POLD1: variants seen among roughly 807,000 people sequenced by gnomAD.
POLD1 encodes DNA polymerase delta catalytic subunit.
POLD1 carries 79 observed loss-of-function variants against 129.7 expected under a neutral mutation model. The ratio of observed to expected loss-of-function variants is 0.61; its 90% CI spans 0.51 to 0.73. The LOEUF is 0.73. Among genes scored for constraint, POLD1 ranks in the 30% least tolerant of loss-of-function variants. The pLI is 0.00. For missense variants in POLD1, 1,338 were observed against 1,595.8 expected (o/e 0.84, Z 2.75); for synonymous variants, 714 against 683.3 (o/e 1.04, Z -0.70).
At chr19:50,388,779 TGTG>T in intron 1 of POLD1, among the ~76,000 whole-genome samples, 1 of 151,336 alleles carries the variant, frequency 6.6e-6, no homozygotes, top group Admixed American at 6.6e-5. Flanking sequence ...ATTTGAAAGT[TGTG>T]GTCATCATGA....
At chr19:50,401,220 T>C (rs2122221162) in intron 3 of POLD1, among the ~76,000 whole-genome samples, 1 of 148,386 alleles carries the variant, frequency 6.7e-6, no homozygotes, top group East Asian at 2.0e-4. Flanking sequence ...ACCTGGGAGG[T>C]GGTTGAAATA....
At chr19:50,401,674 A>C in intron 3 of POLD1, 104 bp from the exon 4 acceptor site, 1 of 1,255,300 alleles carries the variant, frequency 8.0e-7, no homozygotes, top group Non-Finnish European at 1.1e-6. Context: ...GTACAGGGGC[A>C]GGAGTGCCCC....
chr19:50,398,037 G>A (rs933913042), intron 1 of POLD1, among the ~76,000 whole-genome samples: 2 of 152,220 alleles, frequency 1.3e-5, no homozygotes, highest in Non-Finnish European at 2.9e-5. Context: ...GTAACAATAT[G>A]ATGTGCATAC....
chr19:50,403,341 T>A (rs1046883103), intron 9 of POLD1, 122 bp downstream of exon 9: 27 of 1,164,838 alleles, frequency 2.3e-5, no homozygotes, highest in Non-Finnish European at 3.3e-5. Flanking sequence ...TGTCTGTGGG[T>A]CTGGGTGGGC....
chr19:50,408,963 C>A, intron 15 of POLD1, 62 bp downstream of exon 15: 2 of 1,516,036 alleles, frequency 1.3e-6, no homozygotes, highest in South Asian at 1.2e-5. Context: ...TTGGGGGGCT[C>A]AGTCTGGTGG....
rs1555789722 is a variant in POLD1 at position 50,401,769 on chromosome 19, A to T, written c.317-9A>T. ...GGCATGGCCGCTGTCTTACCCTGTG[A>T]CCCCACAGGCCCAGCGCAGCCTGTG... On this transcript the variant is annotated splice_polypyrimidine_tract_variant and intron_variant, in intron 3 of 26. Transcript: ENST00000440232. 1 of 1,611,122 alleles carries T rather than the reference A, an allele frequency of 6.2e-7. No homozygotes were observed.
intron 22 of POLD1, 97 bp downstream of exon 22, chr19:50,415,923 T>G: frequency 1.0e-6 from 1 of 952,668 alleles, no homozygotes; most frequent in Non-Finnish European, 1.5e-6. Context: ...GGGCCTCCCG[T>G]GCCCTGTGGG....
Position 50,409,371 on chromosome 19 carries a change from C to T in POLD1, c.2006+136C>T, listed in dbSNP as rs1391820763. The stretch of plus-strand genomic sequence containing the variant: ...TGCGTGAATTAGCACAAGGCATCCC[C>T]TCCTGGCAGCTTCCTTTTGCCCCCT... On this transcript the variant is annotated intron_variant, in intron 16 of 26. Transcript: ENST00000440232. The surrounding 1 kb of genome is among the most constrained non-coding windows in gnomAD (Gnocchi z 5.8). The T allele has an allele frequency of 7.7e-7, 1 of 1,295,430 alleles. No individual in the cohort carries two copies. Among genetic ancestry groups the T allele is most frequent in the African/African-American group, 1.5e-5 (1 of 68,300 alleles). 80.2% of individuals were successfully genotyped at this position (1,295,430 alleles called of 1,614,324 possible).
At chr19:50,386,077 T>C (rs2037961296) in intron 1 of POLD1, among the ~76,000 whole-genome samples, 1 of 152,004 alleles carries the variant, frequency 6.6e-6, no homozygotes. Flanking sequence ...GAGAAGAACC[T>C]GTGCGCTCAG....
chr19:50,387,151 ACT>A (rs904431670), intron 1 of POLD1, among the ~76,000 whole-genome samples: 8 of 151,918 alleles, frequency 5.3e-5, no homozygotes, highest in African/African-American at 1.7e-4. Context: ...ACATGGTGAA[ACT>A]CTACTAAAAA....
chr19:50,389,121 G>A (rs3219311), intron 1 of POLD1, among the ~76,000 whole-genome samples: 152 of 150,180 alleles, frequency 1.0e-3, no homozygotes, highest in African/African-American at 3.3e-3. Flanking sequence ...ATGAGCCACC[G>A]CACCTGGCCT....
At chr19:50,413,263 C>A (rs377358849) in intron 17 of POLD1, among the ~76,000 whole-genome samples, 163 bp from the exon 18 acceptor site, 3 of 152,186 alleles carry the variant, frequency 2.0e-5, no homozygotes, top group Non-Finnish European at 4.4e-5. Flanking sequence ...GCCTTATAGT[C>A]CCATTTTGCA....
At chr19:50,405,266 C>T (rs1004789206) in intron 10 of POLD1, among the ~76,000 whole-genome samples, 8 of 152,322 alleles carry the variant, frequency 5.3e-5, no homozygotes, top group African/African-American at 1.9e-4. Context: ...ACCCCAGTGA[C>T]CTCATCTTCA....
chr19:50,384,970 G>A lies in POLD1; in HGVS notation c.-2+580G>A, dbSNP rs3219290. 1.9e-3 allele frequency among the ~76,000 whole-genome samples: 295 copies of A among 152,308 alleles called. 1 individual carries two copies. The highest frequency in any genetic ancestry group is 7.7e-3 in the Admixed American group (117 of 15,290). On this transcript the variant is annotated intron_variant, in intron 1 of 26. Transcript: ENST00000440232. ...AGCCCTGAGGTGGAAGGAGCTTGGC[G>A]TATTTGTAGCAGGAGCCGAGGGGAC... is the stretch of plus-strand genomic sequence containing the variant.
intron 17 of POLD1, among the ~76,000 whole-genome samples, chr19:50,411,834 C>T (rs147321837): frequency 0.021 from 2,877 of 138,288 alleles, 52 homozygotes; most frequent in Non-Finnish European, 0.027. Context: ...AGCAAAACTC[C>T]GTCTCAAAAA....
At chr19:50,412,657 A>C (rs1488786248) in intron 17 of POLD1, among the ~76,000 whole-genome samples, 1 of 152,200 alleles carries the variant, frequency 6.6e-6, no homozygotes, top group Non-Finnish European at 1.5e-5. Context: ...CCACACAAAC[A>C]AAAACAGAAG....
intron 26 of POLD1, 94 bp from the exon 27 acceptor site, chr19:50,417,748 G>C (rs540182212): frequency 4.4e-5 from 32 of 730,692 alleles, no homozygotes; most frequent in African/African-American, 4.3e-4. Context: ...GGCAGCAGGC[G>C]GGGACCAAAG....
rs1489903051 is a variant in POLD1 at position 50,401,799 on chromosome 19, G to A, written c.338G>A (p.Gly113Glu). 1.2e-6 allele frequency: 2 copies of A among 1,612,906 alleles called. No homozygotes were observed. The highest frequency in any genetic ancestry group is 1.1e-5 in the South Asian group (1 of 91,070). ...ACAGGCCCAGCGCAGCCTGTGCCTG[G>A]GGGGCCCCCACCATCCCGCGGCTCC... ...HYVGPAQPVP[G>E]GPPPSRGSVP... is the part of the protein sequence containing the mutation. Residue 113 changes from glycine to glutamate, a missense_variant, in exon 4 of 27, where the codon GGG (glycine) becomes GAG (glutamate). Gly to Glu is a moderately conservative substitution (Grantham distance 98). Coordinates refer to ENST00000440232, the MANE Select transcript of POLD1 (RefSeq NM_002691.4).
intron 1 of POLD1, among the ~76,000 whole-genome samples, chr19:50,386,203 G>T (rs1023407904): frequency 1.3e-5 from 2 of 151,878 alleles, no homozygotes; most frequent in African/African-American, 4.8e-5. Flanking sequence ...GCAGTGGCGC[G>T]ATCTCGGCTC....
Sources: gnomAD v4.1 joint callset for allele counts (sites outside exome capture counted in the v4.1 genomes callset) on GRCh38, gnomAD v4.1.1 for gene constraint, Gnocchi (gnomAD v3.1) non-coding constraint, MANE v1.5 for transcripts, NCBI Gene and HGNC (gene_info 2026-07-23, HGNC 2026-07-21) for gene names.